The following FYB1 variants were observed in gnomAD, a reference collection of about 807,000 sequenced individuals.
FYB1 encodes the protein FYN binding protein 1.
In FYB1, 41 loss-of-function variants were observed where a neutral mutation model predicts 94.1. The ratio of observed to expected loss-of-function variants is 0.44; its 90% CI spans 0.34 to 0.57. The LOEUF is 0.57. FYB1 is among the 20% of genes least tolerant of loss of function. The probability of loss-of-function intolerance (pLI) is 0.02; values close to 1 mark genes in which losing one functional copy is unlikely to be tolerated. For synonymous variants in FYB1, 367 were observed against 353.2 expected, an observed-to-expected ratio of 1.04 and a Z score of -0.44; for missense variants, 1,050 against 976.8, an observed-to-expected ratio of 1.07 and a Z score of -1.00.
intron 1 of FYB1, among the ~76,000 whole-genome samples, chr5:39,258,238 C>T (rs1752049819): frequency 1.3e-5 from 2 of 152,160 alleles, no homozygotes; most frequent in South Asian, 2.1e-4. Context: ...GATGCTGAAA[C>T]ATTTCCTCTC....
intron 2 of FYB1, among the ~76,000 whole-genome samples, chr5:39,157,740 T>G (rs1012696476): frequency 1.3e-5 from 2 of 152,168 alleles, no homozygotes; most frequent in African/African-American, 4.8e-5. Context: ...CCTGGGTATC[T>G]GTGATTTGAA....
intron 2 of FYB1, among the ~76,000 whole-genome samples, chr5:39,170,852 G>T (rs1353135211): frequency 1.3e-5 from 2 of 152,076 alleles, no homozygotes; most frequent in Non-Finnish European, 2.9e-5. Flanking sequence ...TGATATTCCA[G>T]CCCATCCAAG....
chr5:39,168,767 A>C (rs6891572), intron 2 of FYB1, among the ~76,000 whole-genome samples: 33,225 of 152,058 alleles, frequency 0.22, 3,849 homozygotes, highest in African/African-American at 0.28. Context: ...TGAAATGAAC[A>C]CATAATTAAT....
intron 1 of FYB1, among the ~76,000 whole-genome samples, chr5:39,229,212 A>T (rs991916280): frequency 6.6e-6 from 1 of 152,172 alleles, no homozygotes; most frequent in Non-Finnish European, 1.5e-5. Context: ...TTACTAAAGG[A>T]TCCATGTAAA....
At chr5:39,270,052 A>G (rs1359656335) in intron 1 of FYB1, among the ~76,000 whole-genome samples, 13 of 152,236 alleles carry the variant, frequency 8.5e-5, no homozygotes, top group Non-Finnish European at 7.3e-5. Flanking sequence ...AATTTTGAGA[A>G]GACAATCTGT....
chr5:39,141,272 C>T, intron 3 of FYB1, 131 bp from the exon 4 acceptor site: 1 of 673,740 alleles, frequency 1.5e-6, no homozygotes, highest in Non-Finnish European at 2.6e-6. Flanking sequence ...AAGCTTCAGA[C>T]ATCACTAGCA....
At chr5:39,129,179 GA>G (rs1243921436) in intron 10 of FYB1, among the ~76,000 whole-genome samples, 2 of 151,998 alleles carry the variant, frequency 1.3e-5, no homozygotes, top group East Asian at 3.9e-4. Flanking sequence ...ACTGATTTTA[GA>G]AAAAGGCACC....
chr5:39,235,669 C>A (rs557942231), intron 1 of FYB1, among the ~76,000 whole-genome samples: 2 of 151,470 alleles, frequency 1.3e-5, no homozygotes, highest in South Asian at 4.2e-4. Context: ...AGTTTTTGAG[C>A]AAGTATTTGG....
chr5:39,235,824 C>T (rs1031880758), intron 1 of FYB1, among the ~76,000 whole-genome samples: 2 of 151,986 alleles, frequency 1.3e-5, no homozygotes, highest in Non-Finnish European at 2.9e-5. Flanking sequence ...CTCAACAAAA[C>T]TGTTGATAAG....
chr5:39,171,234 G>T lies in FYB1; in HGVS notation c.1136-17630C>A, dbSNP rs1003106766. 3.9e-5 allele frequency among the ~76,000 whole-genome samples: 6 copies of T among 151,920 alleles called. 1 individual carries two copies. Among genetic ancestry groups the T allele is most frequent in the Admixed American group, 3.3e-4 (5 of 15,260 alleles). On this transcript the variant is annotated intron_variant, in intron 2 of 18. Coordinates refer to ENST00000512982, the MANE Select transcript of FYB1 (RefSeq NM_001465.6). ...GAACCTAGGAGGCAGAGGTTCTAGT[G>T]AGCCGAGATCGTGCCACTGCTCTCT...
chr5:39,240,019 C>G (rs1751135160), intron 1 of FYB1, among the ~76,000 whole-genome samples: 1 of 152,100 alleles, frequency 6.6e-6, no homozygotes, highest in Non-Finnish European at 1.5e-5. Context: ...TGAAGTAAAG[C>G]TGCACACCTA....
At chr5:39,241,995 T>G (rs1751231144) in intron 1 of FYB1, among the ~76,000 whole-genome samples, 2 of 152,190 alleles carry the variant, frequency 1.3e-5, no homozygotes, top group Non-Finnish European at 2.9e-5. Context: ...TCCCTCCAAA[T>G]TTTTCAGTCA....
chr5:39,211,964 G>GT lies in FYB1; in HGVS notation c.-28+7478dup, dbSNP rs569524773. On this transcript the variant is annotated intron_variant, in intron 1 of 18. Coordinates refer to ENST00000512982, the MANE Select transcript of FYB1 (RefSeq NM_001465.6). ...CTTCCCAGCATGTGAAAAGATCTGT[G>GT]TGAAAACTGCTAAGAAGAGGAAGAA... Among the ~76,000 whole-genome samples, 413 of 152,300 alleles carry GT rather than the reference G, an allele frequency of 2.7e-3. 1 individual carries two copies. The highest frequency in any genetic ancestry group is 0.01 in the Middle Eastern group (3 of 294).
intron 1 of FYB1, among the ~76,000 whole-genome samples, chr5:39,233,370 T>C (rs1342462676): frequency 6.6e-6 from 1 of 152,134 alleles, no homozygotes; most frequent in Non-Finnish European, 1.5e-5. Flanking sequence ...GGCTTTATTC[T>C]TTCTTCAGTT....
intron 1 of FYB1, among the ~76,000 whole-genome samples, chr5:39,244,886 G>A (rs929608326): frequency 2.0e-5 from 3 of 152,040 alleles, no homozygotes; most frequent in African/African-American, 7.2e-5. Context: ...TATGTGTCGA[G>A]GTATTTATCC....
chr5:39,227,827 G>A (rs527656527), intron 1 of FYB1, among the ~76,000 whole-genome samples: 19 of 152,144 alleles, frequency 1.2e-4, no homozygotes, highest in Admixed American at 5.9e-4. Flanking sequence ...CCTTCATCAG[G>A]CCTCATTGAG....
At chr5:39,189,299 C>T (rs1453701004) in intron 2 of FYB1, among the ~76,000 whole-genome samples, 1 of 141,168 alleles carries the variant, frequency 7.1e-6, no homozygotes, top group South Asian at 2.3e-4. Context: ...AAAGATGAAA[C>T]AGCCTGACTG....
intron 1 of FYB1, among the ~76,000 whole-genome samples, chr5:39,208,609 GACA>G (rs916215585): frequency 2.0e-5 from 3 of 152,056 alleles, no homozygotes; most frequent in Non-Finnish European, 4.4e-5. Context: ...GACATCAGAG[GACA>G]ACAAGAGGCT....
intron 1 of FYB1, among the ~76,000 whole-genome samples, chr5:39,260,493 A>C (rs945754807): frequency 6.6e-6 from 1 of 152,198 alleles, no homozygotes; most frequent in Non-Finnish European, 1.5e-5. Context: ...AGGATAAGTA[A>C]AAATAAATTC....
Sources: allele counts gnomAD v4.1 joint callset (sites outside exome capture counted in the v4.1 genomes callset), GRCh38; gene constraint gnomAD v4.1.1; transcripts MANE v1.5; gene names NCBI Gene and HGNC (gene_info 2026-07-23, HGNC 2026-07-21).